TRIO: variants seen among roughly 807,000 people sequenced by gnomAD.
The protein encoded by TRIO is trio Rho guanine nucleotide exchange factor.
Under a neutral mutation model 351.9 loss-of-function variants are expected in TRIO, and 58 were observed. That is an observed-to-expected ratio of 0.16 (90% CI 0.13 to 0.21). The LOEUF (loss-of-function observed/expected upper bound fraction) is 0.21. Ranked by LOEUF, TRIO falls within the 10% of genes least tolerant of loss-of-function variation. The probability of loss-of-function intolerance (pLI) is 1.00; values close to 1 mark genes in which losing one functional copy is unlikely to be tolerated. For synonymous variants in TRIO, 1,758 were observed against 1,595.7 expected (o/e 1.10, Z -2.42); for missense variants, 3,201 against 4,027.8 (o/e 0.79, Z 5.56).
At chr5:14,217,155 G>C (rs1157830281) in intron 1 of TRIO, among the ~76,000 whole-genome samples, 1 of 152,182 alleles carries the variant, frequency 6.6e-6, no homozygotes, top group African/African-American at 2.4e-5. Context: ...GTTTACTAAA[G>C]GATGTTTGTT....
chr5:14,208,974 G>A (rs184347997), intron 1 of TRIO, among the ~76,000 whole-genome samples: 157 of 152,340 alleles, frequency 1.0e-3, no homozygotes, highest in Middle Eastern at 6.8e-3. Flanking sequence ...TGTGATGCTG[G>A]TTGTGCAATT....
At position 14,272,956 on chromosome 5, in the gene TRIO, T is replaced by C. The variant is rs535946536; in HGVS notation, c.232+2057T>C. Reference sequence around the variant, plus strand: ...TTTTTTTGTTTCTTTTTTATTGAAATCTAATTCACATACTCTAAAATCCAC... The same window carrying C: ...TTTTTTTGTTTCTTTTTTATTGAAACCTAATTCACATACTCTAAAATCCAC... On this transcript the variant is annotated intron_variant, in intron 2 of 56. Transcript: ENST00000344204. Among the ~76,000 whole-genome samples the C allele has an allele frequency of 1.2e-4, 18 of 152,304 alleles. 1 individual carries two copies. The South Asian group carries it at 3.5e-3, about 30-fold the overall frequency.
chr5:14,223,162 A>G (rs32394), intron 1 of TRIO, among the ~76,000 whole-genome samples: 131,290 of 152,190 alleles, frequency 0.86, 56,777 homozygotes, highest in East Asian at 0.99. Flanking sequence ...AGTGGCAGAG[A>G]GTTATGTGAC....
chr5:14,407,283 C>A (rs1748811753), intron 33 of TRIO, among the ~76,000 whole-genome samples: 1 of 152,138 alleles, frequency 6.6e-6, no homozygotes, highest in East Asian at 1.9e-4. Flanking sequence ...CATGCTGTGA[C>A]TAGGAAGTTG....
chr5:14,508,168 G>T lies in TRIO; in HGVS notation c.9040G>T (p.Asp3014Tyr), dbSNP rs1015250052. 2 of 1,614,048 alleles carry T rather than the reference G, an allele frequency of 1.2e-6. No individual in the cohort carries two copies. Among genetic ancestry groups the T allele is most frequent in the African/African-American group, 2.7e-5 (2 of 74,936 alleles). Residue 3014 changes from aspartate to tyrosine, a missense_variant, in exon 57 of 57, where the codon GAC becomes TAC. Asp to Tyr is a radical substitution (Grantham distance 160). This residue lies in a region of TRIO where 233 missense variants were observed against 292.6 expected (regional missense o/e 0.80). Coordinates refer to ENST00000344204, the MANE Select transcript of TRIO (RefSeq NM_007118.4). ...CCGCTTAGACTTTAGCTTCCCAGAT[G>T]ACTACTTTAAAGGAGTGAGCCAGAA... Reference protein sequence around the residue: ...ICRLDFSFPDDYFKGVSQKAK... With the variant: ...ICRLDFSFPDYYFKGVSQKAK...
At chr5:14,474,574 G>C (rs1057406011) in intron 40 of TRIO, among the ~76,000 whole-genome samples, 2 of 152,154 alleles carry the variant, frequency 1.3e-5, no homozygotes, top group African/African-American at 4.8e-5. Context: ...TAAGCTTCAA[G>C]TATTTCTAAC....
At chr5:14,176,581 G>A (rs909728919) in intron 1 of TRIO, among the ~76,000 whole-genome samples, 2 of 152,154 alleles carry the variant, frequency 1.3e-5, no homozygotes, top group African/African-American at 4.8e-5. Context: ...AGCCTCCCGA[G>A]TACCTGGGAT....
At chr5:14,264,766 G>C (rs184566004) in intron 1 of TRIO, among the ~76,000 whole-genome samples, 40 of 152,318 alleles carry the variant, frequency 2.6e-4, no homozygotes, top group African/African-American at 8.9e-4. Context: ...GTATAATCCT[G>C]CGGGCTCCGC....
intron 2 of TRIO, among the ~76,000 whole-genome samples, chr5:14,278,804 T>G (rs1447810991): frequency 6.6e-6 from 1 of 152,222 alleles, no homozygotes; most frequent in Non-Finnish European, 1.5e-5. Context: ...GTACTTTTCA[T>G]TCATAAATGT....
rs1251513116 is a variant in TRIO, at chr5:14,353,541, G to A, written c.2047-4637G>A. ...GACCTCTGAGTGCTGGGAAATACAG[G>A]CGTGAACCACCACACCCAGCCCCAA... On this transcript the variant is annotated intron_variant, in intron 11 of 56. Transcript: ENST00000344204. 5.9e-5 allele frequency among the ~76,000 whole-genome samples: 9 copies of A among 152,108 alleles called. No individual in the cohort carries two copies. In the East Asian group the frequency reaches 1.4e-3, roughly 23 times the overall value.
At chr5:14,171,402 C>T (rs942630954) in intron 1 of TRIO, among the ~76,000 whole-genome samples, 2 of 152,172 alleles carry the variant, frequency 1.3e-5, no homozygotes, top group Non-Finnish European at 2.9e-5. Context: ...GTTTGAAAGA[C>T]TTTAAAATTG....
intron 8 of TRIO, among the ~76,000 whole-genome samples, chr5:14,307,952 C>T (rs900462085): frequency 6.6e-6 from 1 of 152,074 alleles, no homozygotes; most frequent in Non-Finnish European, 1.5e-5. Context: ...CTTTTGATTC[C>T]TAAATTGTTC....
intron 28 of TRIO, among the ~76,000 whole-genome samples, chr5:14,394,507 C>G (rs1747391843): frequency 6.6e-6 from 1 of 152,178 alleles, no homozygotes; most frequent in Non-Finnish European, 1.5e-5. Context: ...AAACTAGCCT[C>G]AGACTGTAAG....
intron 15 of TRIO, 45 bp from the exon 16 acceptor site, chr5:14,366,815 C>T (rs1744638575): frequency 6.2e-7 from 1 of 1,612,034 alleles, no homozygotes; most frequent in Non-Finnish European, 8.5e-7. Context: ...CCACAGGATT[C>T]TCTGGGAAGT....
chr5:14,459,858 G>T (rs191277828), intron 34 of TRIO, among the ~76,000 whole-genome samples: 175 of 152,228 alleles, frequency 1.1e-3, no homozygotes, highest in African/African-American at 3.9e-3. Context: ...TATATTTTCT[G>T]TAGAGCATTT....
chr5:14,294,760 C>G (rs1737201044), intron 6 of TRIO, among the ~76,000 whole-genome samples: 1 of 152,146 alleles, frequency 6.6e-6, no homozygotes, highest in Non-Finnish European at 1.5e-5. Flanking sequence ...GGGGTAATAC[C>G]TGCCTTCCAT....
Position 14,358,358 on chromosome 5 carries a change from C to T in TRIO, c.2216+11C>T. ...CATCCAGCAGCTCAGGTGGGCCTCA[C>T]CCCTCTCCTGGTCCGAACAGATTCT... On this transcript the variant is annotated intron_variant, in intron 12 of 56. Coordinates refer to ENST00000344204, the MANE Select transcript of TRIO (RefSeq NM_007118.4). 2 of 1,613,626 alleles carry T rather than the reference C, an allele frequency of 1.2e-6. No individual in the cohort carries two copies. Among genetic ancestry groups the T allele is most frequent in the South Asian group, 1.1e-5 (1 of 91,040 alleles).
At chr5:14,365,756 T>C (rs1411697246) in intron 15 of TRIO, among the ~76,000 whole-genome samples, 2 of 152,234 alleles carry the variant, frequency 1.3e-5, no homozygotes, top group African/African-American at 4.8e-5. Context: ...TAGAAGAAGA[T>C]TGCTGGTCTG....
chr5:14,291,982 A>G (rs148783987), intron 5 of TRIO, among the ~76,000 whole-genome samples: 110 of 152,260 alleles, frequency 7.2e-4, no homozygotes, highest in African/African-American at 2.6e-3. Flanking sequence ...AGGCAGACCA[A>G]CTGGTCAAAG....
Sources: gnomAD v4.1 joint callset for allele counts (sites outside exome capture counted in the v4.1 genomes callset) on GRCh38, gnomAD v4.1.1 for gene constraint, gnomAD v4.1.1 regional missense constraint, MANE v1.5 for transcripts, NCBI Gene and HGNC (gene_info 2026-07-23, HGNC 2026-07-21) for gene names.